SMOC2: variants seen among roughly 807,000 people sequenced by gnomAD.
SMOC2 encodes SPARC-related modular calcium-binding protein 2.
In SMOC2, 39 loss-of-function variants were observed where a neutral mutation model predicts 61.4. The observed-to-expected ratio is 0.64, with a 90% CI of 0.49 to 0.83. The LOEUF is 0.83. SMOC2 is among the 40% of genes least tolerant of loss of function. The pLI, the probability that SMOC2 is intolerant of heterozygous loss-of-function variation, is 0.00. For missense variants in SMOC2, 556 were observed against 592.9 expected (o/e 0.94, Z 0.65); for synonymous variants, 247 against 239.9 (o/e 1.03, Z -0.27).
Position 168,452,304 on chromosome 6 carries a change from A to G in SMOC2, c.84+10850A>G, listed in dbSNP as rs934296738. Among the ~76,000 whole-genome samples the G allele has an allele frequency of 9.2e-5, 14 of 152,226 alleles. No homozygotes were observed. The highest frequency in any genetic ancestry group is 3.1e-4 in the African/African-American group (13 of 41,462). ...TGTTACATTCAGGATTACTACCCACATATCAGATAAGAGTATCATGTTATT... is the reference window on the plus strand; with the variant it reads ...TGTTACATTCAGGATTACTACCCACGTATCAGATAAGAGTATCATGTTATT... On this transcript the variant is annotated intron_variant, in intron 1 of 12. Coordinates refer to ENST00000356284, the MANE Select transcript of SMOC2 (RefSeq NM_001166412.2). The surrounding 1 kb of genome is among the most constrained non-coding windows in gnomAD (Gnocchi z 5.0).
At position 168,608,176 on chromosome 6, in the gene SMOC2, G is replaced by C; in HGVS notation, c.844G>C (p.Asp282His). The change falls in exon 9 of 13, where the codon GAC becomes CAC. Residue 282 changes from aspartate to histidine, a missense_variant. By Grantham distance (81) the Asp-to-His change is moderately conservative (BLOSUM62 -1). Transcript: ENST00000356284. ...CCATAGGTACGAGCAGCCGAAATGT[G>C]ACAACACGGCCAGGGCCCACCCAGC... ...TSTRYEQPKC[D>H]NTARAHPAKA... is the part of the protein sequence containing the mutation. The C allele has an allele frequency of 6.2e-7, 1 of 1,613,788 alleles. No individual in the cohort carries two copies. The highest frequency in any genetic ancestry group is 1.3e-5 in the African/African-American group (1 of 75,016).
intron 1 of SMOC2, among the ~76,000 whole-genome samples, chr6:168,464,887 G>A (rs1781794004): frequency 6.6e-6 from 1 of 152,234 alleles, no homozygotes; most frequent in African/African-American, 2.4e-5. Context: ...GAAACCTGAG[G>A]CAGAAACTCA....
chr6:168,541,881 T>G (rs73258970), intron 4 of SMOC2, among the ~76,000 whole-genome samples: 4,674 of 152,100 alleles, frequency 0.031, 212 homozygotes, highest in African/African-American at 0.1. Flanking sequence ...GCTGCCTGAG[T>G]GTAGAGAATG....
chr6:168,449,304 T>C (rs1781407051), intron 1 of SMOC2, among the ~76,000 whole-genome samples: 1 of 152,224 alleles, frequency 6.6e-6, no homozygotes, highest in Non-Finnish European at 1.5e-5. Flanking sequence ...CTCACATTTA[T>C]AGCGGTCACT....
chr6:168,667,944 G>A lies in SMOC2; in HGVS notation c.*1506G>A, dbSNP rs1787703287. 1.3e-5 allele frequency: 2 copies of A among 152,048 alleles called. No individual in the cohort carries two copies. Among genetic ancestry groups the A allele is most frequent in the Non-Finnish European group, 2.9e-5 (2 of 68,002 alleles). The allele number at this position is 152,048 out of a possible 1,614,324, so 9.4% of individuals were successfully genotyped here. ...ATAATCTTTTATATTTCTGACCTTT[G>A]AATTTAATCATTGTTCTTAGATTAA... On this transcript the variant is annotated 3_prime_UTR_variant, in exon 13 of 13. Coordinates refer to ENST00000356284, the MANE Select transcript of SMOC2 (RefSeq NM_001166412.2).
chr6:168,648,518 G>T (rs544688513), intron 9 of SMOC2, among the ~76,000 whole-genome samples: 2 of 152,378 alleles, frequency 1.3e-5, no homozygotes, highest in South Asian at 4.1e-4. Flanking sequence ...GGCCGGGTGG[G>T]CTGGGCAGCT....
intron 7 of SMOC2, among the ~76,000 whole-genome samples, chr6:168,589,926 A>C (rs1243879283): frequency 1.7e-5 from 1 of 58,816 alleles, no homozygotes; most frequent in African/African-American, 6.7e-5. Context: ...CAGGTGTGGC[A>C]TGAGTTTAGG....
At chr6:168,558,252 A>G (rs1784294546) in intron 7 of SMOC2, among the ~76,000 whole-genome samples, 2 of 152,226 alleles carry the variant, frequency 1.3e-5, no homozygotes, top group African/African-American at 4.8e-5. Flanking sequence ...AGGAGGGATC[A>G]TGTCAGGCAT....
intron 1 of SMOC2, among the ~76,000 whole-genome samples, chr6:168,448,804 C>A (rs542784867): frequency 1.3e-5 from 2 of 152,132 alleles, no homozygotes; most frequent in Admixed American, 1.3e-4. Context: ...AGGATGGAAA[C>A]GTGTTGTTGG....
At chr6:168,575,309 A>AT (rs1173422790) in intron 7 of SMOC2, among the ~76,000 whole-genome samples, 3 of 152,046 alleles carry the variant, frequency 2.0e-5, no homozygotes, top group Admixed American at 2.0e-4. Flanking sequence ...CCTGCAGAAT[A>AT]TTTTTTCCCT....
intron 1 of SMOC2, among the ~76,000 whole-genome samples, chr6:168,503,166 C>G (rs562533101): frequency 1.0e-3 from 156 of 149,488 alleles, no homozygotes; most frequent in Middle Eastern, 3.5e-3. Context: ...GCAACCTCCG[C>G]CTCCTGGGCT....
chr6:168,624,349 C>G (rs907022300), intron 9 of SMOC2, among the ~76,000 whole-genome samples: 1 of 152,214 alleles, frequency 6.6e-6, no homozygotes, highest in Non-Finnish European at 1.5e-5. Context: ...TGAACACGCA[C>G]ATATGTAGAC....
chr6:168,518,959 A>G (rs1357662948), intron 2 of SMOC2, among the ~76,000 whole-genome samples: 3 of 137,618 alleles, frequency 2.2e-5, no homozygotes, highest in African/African-American at 8.3e-5. Context: ...GTTAGTGTGT[A>G]TCCGTGCACG....
At chr6:168,590,019 T>TAC in intron 7 of SMOC2, among the ~76,000 whole-genome samples, 1 of 17,460 alleles carries the variant, frequency 5.7e-5, no homozygotes, top group Non-Finnish European at 1.2e-4. Context: ...GGCATTAGTT[T>TAC]AGGGAGCAGC....
At chr6:168,632,323 G>A (rs890746391) in intron 9 of SMOC2, among the ~76,000 whole-genome samples, 9 of 152,168 alleles carry the variant, frequency 5.9e-5, no homozygotes, top group African/African-American at 1.7e-4. Flanking sequence ...GAACATAGTC[G>A]TGCCAAGAAT....
intron 9 of SMOC2, among the ~76,000 whole-genome samples, chr6:168,618,784 G>A (rs1041316144): frequency 5.9e-5 from 9 of 152,224 alleles, no homozygotes; most frequent in Admixed American, 1.3e-4. Flanking sequence ...AGGTGACATC[G>A]TCTCCTGCAG....
intron 1 of SMOC2, among the ~76,000 whole-genome samples, chr6:168,488,975 C>A (rs367968600): frequency 1.3e-5 from 2 of 150,796 alleles, no homozygotes; most frequent in African/African-American, 4.9e-5. Context: ...TATATCGAAT[C>A]GTCTGGGTCC....
rs775037299 is a variant in SMOC2 at position 168,543,624 on chromosome 6, G to A, written c.464-1G>A. On this transcript the variant is annotated splice_acceptor_variant, in intron 4 of 12. Transcript: ENST00000356284. LOFTEE classifies it high-confidence loss of function. ...TTTCACTCCTTATTTTCCTCTTTTA[G>A]GTTCCGTAAATGAAAAGTTACCCCA... 3 of 1,613,432 alleles carry A rather than the reference G, an allele frequency of 1.9e-6. No individual in the cohort carries two copies. The highest frequency in any genetic ancestry group is 2.5e-6 in the Non-Finnish European group (3 of 1,179,550).
chr6:168,468,828 C>T (rs773774053), intron 1 of SMOC2, among the ~76,000 whole-genome samples: 15 of 152,190 alleles, frequency 9.9e-5, no homozygotes, highest in African/African-American at 1.9e-4. Context: ...GCCACCACAC[C>T]CGGAGGATTA....
Sources: allele counts gnomAD v4.1 joint callset (sites outside exome capture counted in the v4.1 genomes callset), GRCh38; gene constraint gnomAD v4.1.1; non-coding constraint Gnocchi (gnomAD v3.1); transcripts MANE v1.5; gene names NCBI Gene and HGNC (gene_info 2026-07-23, HGNC 2026-07-21).